EXOC5: variants seen among roughly 807,000 people sequenced by gnomAD.
EXOC5 encodes SEC10-like 1.
In EXOC5, 17 loss-of-function variants were observed where a neutral mutation model predicts 90.8. The ratio of observed to expected loss-of-function variants is 0.19; its 90% confidence interval spans 0.13 to 0.28. The LOEUF (loss-of-function observed/expected upper bound fraction) is 0.28. EXOC5 is among the 10% of genes least tolerant of loss of function. The pLI is 1.00. For synonymous variants in EXOC5, 260 were observed against 270.0 expected, an observed-to-expected ratio of 0.96 and a Z score of 0.36; for missense variants, 569 against 830.6, an observed-to-expected ratio of 0.69 and a Z score of 3.87.
intron 1 of EXOC5, among the ~76,000 whole-genome samples, chr14:57,265,223 T>C (rs1884633411): frequency 6.6e-6 from 1 of 152,036 alleles, no homozygotes; most frequent in African/African-American, 2.4e-5. Context: ...TTCAGAACTT[T>C]ATCTTGAACT....
Position 57,231,010 on chromosome 14 carries a change from CT to C in EXOC5, c.1148+495del, listed in dbSNP as rs758234288. On this transcript the variant is annotated intron_variant, in intron 11 of 17. Coordinates refer to ENST00000621441, the MANE Select transcript of EXOC5 (RefSeq NM_006544.4). ...TTTTAATTGACAAATATCTACTTTACTTTTTTTTTTTTTTTTGACACGGAGT... is the reference window on the plus strand; with the variant it reads ...TTTTAATTGACAAATATCTACTTTACTTTTTTTTTTTTTTTGACACGGAGT... Among the ~76,000 whole-genome samples the C allele has an allele frequency of 4.9e-3, 681 of 137,996 alleles. 2 individuals carry two copies. Among genetic ancestry groups the C allele is most frequent in the South Asian group, 7.6e-3 (33 of 4,332 alleles). 90.5% of individuals were successfully genotyped at this position (137,996 alleles called of 152,430 possible).
intron 12 of EXOC5, among the ~76,000 whole-genome samples, chr14:57,224,908 A>G (rs1209224249): frequency 6.6e-6 from 1 of 152,140 alleles, no homozygotes; most frequent in Non-Finnish European, 1.5e-5. Context: ...CTAAAAATAC[A>G]AAACTCAGCC....
chr14:57,221,816 G>C (rs1347783598), intron 13 of EXOC5, among the ~76,000 whole-genome samples: 1 of 152,136 alleles, frequency 6.6e-6, no homozygotes. Flanking sequence ...GATGACCATT[G>C]AACAGGTGAA....
chr14:57,225,666 A>G (rs1883285176), intron 12 of EXOC5, among the ~76,000 whole-genome samples: 1 of 152,116 alleles, frequency 6.6e-6, no homozygotes, highest in African/African-American at 2.4e-5. Context: ...AGTATCTGAG[A>G]CAAGTCTCAA....
intron 12 of EXOC5, among the ~76,000 whole-genome samples, chr14:57,228,767 G>T (rs1035630986): frequency 2.1e-4 from 31 of 150,600 alleles, no homozygotes; most frequent in Non-Finnish European, 7.4e-5. Flanking sequence ...ATGAGGAGTT[G>T]ATGGGTGCAG....
At chr14:57,262,739 ATG>A (rs10606438) in intron 1 of EXOC5, among the ~76,000 whole-genome samples, 7 of 100,820 alleles carry the variant, frequency 6.9e-5, no homozygotes, top group African/African-American at 3.4e-4. Context: ...ATACGTATAT[ATG>A]TGTGTGTGTA....
chr14:57,260,385 CT>C (rs1311938256), intron 1 of EXOC5, among the ~76,000 whole-genome samples: 4 of 152,082 alleles, frequency 2.6e-5, no homozygotes, highest in Admixed American at 6.6e-5. Flanking sequence ...AATAATTTTA[CT>C]TTTTAAAATT....
chr14:57,268,594 C>A, intron 1 of EXOC5, 28 bp downstream of exon 1: 1 of 1,584,958 alleles, frequency 6.3e-7, no homozygotes, highest in South Asian at 1.1e-5. Context: ...CCGGGCCTGC[C>A]ACTCCCTGTA....
Position 57,206,366 on chromosome 14 carries a change from T to C in EXOC5, c.*2243A>G, listed in dbSNP as rs981819565. 1 of 152,964 alleles carries C rather than the reference T, an allele frequency of 6.5e-6. No homozygotes were observed. Among genetic ancestry groups the C allele is most frequent in the African/African-American group, 2.8e-5 (1 of 35,150 alleles). The allele number at this position is 152,964 out of a possible 1,614,324, so 9.5% of individuals were successfully genotyped here. A position where few individuals can be genotyped will look rare whatever the true frequency, so the allele number is the denominator to read the frequency against. On this transcript the variant is annotated 3_prime_UTR_variant, in exon 18 of 18. Transcript: ENST00000621441. ...AAAATCAGAATACAAAGAATGCATA[T>C]TGCCTCACATGACACATTTTTTTTT...
chr14:57,218,441 T>C (rs1594651160), intron 14 of EXOC5, among the ~76,000 whole-genome samples: 1 of 152,082 alleles, frequency 6.6e-6, no homozygotes. Flanking sequence ...TAGACTATCA[T>C]CACCAGAGTT....
chr14:57,253,115 G>T (rs536557379), intron 1 of EXOC5, among the ~76,000 whole-genome samples: 1 of 152,226 alleles, frequency 6.6e-6, no homozygotes, highest in East Asian at 1.9e-4. Context: ...TAGATTGGTG[G>T]TTACCAAAGG....
chr14:57,224,332 C>T (rs187288391), intron 12 of EXOC5, among the ~76,000 whole-genome samples: 1 of 152,046 alleles, frequency 6.6e-6, no homozygotes, highest in African/African-American at 2.4e-5. Flanking sequence ...GAATAAATCT[C>T]TAGCCAGATT....
rs969535352 is a variant in EXOC5 at position 57,253,050 on chromosome 14, A to G, written c.28-5338T>C. Among the ~76,000 whole-genome samples, 8 of 152,304 alleles carry G rather than the reference A, an allele frequency of 5.3e-5. No individual in the cohort carries two copies. The South Asian group carries it at 1.7e-3, about 32-fold the overall frequency. On this transcript the variant is annotated intron_variant, in intron 1 of 17. Transcript: ENST00000621441. Reference sequence around the variant, plus strand: ...AGCCAGGAATAGAAAGACAAATGCCACATGACCTCACTCATATGTGGAATT... The same window carrying G: ...AGCCAGGAATAGAAAGACAAATGCCGCATGACCTCACTCATATGTGGAATT...
At chr14:57,266,383 G>T (rs886388970) in intron 1 of EXOC5, among the ~76,000 whole-genome samples, 5 of 152,176 alleles carry the variant, frequency 3.3e-5, no homozygotes, top group African/African-American at 1.2e-4. Flanking sequence ...ACTTGGGGAT[G>T]AAAACTTACT....
intron 1 of EXOC5, among the ~76,000 whole-genome samples, chr14:57,252,281 T>C (rs948095381): frequency 1.3e-5 from 2 of 152,180 alleles, no homozygotes; most frequent in African/African-American, 4.8e-5. Context: ...TATCCCTTTA[T>C]AAACATTCAT....
intron 12 of EXOC5, among the ~76,000 whole-genome samples, chr14:57,224,687 T>C (rs993823519): frequency 1.9e-4 from 29 of 151,848 alleles, no homozygotes; most frequent in African/African-American, 6.8e-4. Flanking sequence ...TTCCAGAAAA[T>C]TGAGAGGGGT....
intron 1 of EXOC5, among the ~76,000 whole-genome samples, chr14:57,267,913 GTTTT>G (rs2139678553): frequency 6.6e-6 from 1 of 152,120 alleles, no homozygotes; most frequent in South Asian, 2.1e-4. Flanking sequence ...CGAAGTGTTC[GTTTT>G]ATTTTATAAA....
intron 4 of EXOC5, among the ~76,000 whole-genome samples, chr14:57,241,950 G>C (rs1883873846): frequency 6.6e-6 from 1 of 151,780 alleles, no homozygotes; most frequent in Admixed American, 6.6e-5. Context: ...TGGCTAACAT[G>C]GTGAAACCCC....
intron 1 of EXOC5, among the ~76,000 whole-genome samples, chr14:57,267,672 G>A (rs527773860): frequency 6.6e-6 from 1 of 152,060 alleles, no homozygotes; most frequent in East Asian, 1.9e-4. Flanking sequence ...ACGTGTCATT[G>A]TTTTGTAGCC....
Sources: gnomAD v4.1 joint callset for allele counts (sites outside exome capture counted in the v4.1 genomes callset) on GRCh38, gnomAD v4.1.1 for gene constraint, MANE v1.5 for transcripts, NCBI Gene and HGNC (gene_info 2026-07-23, HGNC 2026-07-21) for gene names.